Variants in KCNQ1 observed in about 807,000 individuals in gnomAD.
The protein encoded by KCNQ1 is potassium voltage-gated channel subfamily Q member 1, also known as potassium voltage-gated channel subfamily KQT member 1.
In KCNQ1, 49 loss-of-function variants were observed where a neutral mutation model predicts 72.4. The ratio of observed to expected loss-of-function variants is 0.68; its 90% CI spans 0.54 to 0.86. KCNQ1 has a LOEUF of 0.86. Ranked by LOEUF, KCNQ1 falls within the 40% of genes least tolerant of loss-of-function variation. KCNQ1 has a pLI of 0.00. For synonymous variants in KCNQ1, 450 were observed against 412.6 expected, an observed-to-expected ratio of 1.09 and a Z score of -1.10; for missense variants, 790 against 945.1, an observed-to-expected ratio of 0.84 and a Z score of 2.15.
rs541931705 is a variant in KCNQ1 at position 2,541,704 on chromosome 11, G to GCT, written c.477+13686_477+13687insCT. Among the ~76,000 whole-genome samples, 2 of 145,244 alleles carry GCT rather than the reference G, an allele frequency of 1.4e-5. No individual in the cohort carries two copies. Among genetic ancestry groups the GCT allele is most frequent in the Non-Finnish European group, 3.0e-5 (2 of 66,246 alleles). On this transcript the variant is annotated intron_variant, in intron 2 of 15. Transcript: ENST00000155840. The surrounding 1 kb of genome is among the most constrained non-coding windows in gnomAD (Gnocchi z 4.8). ...TTCATCTCAGGCTCAGGTGTTTTGA[G>GCT]TTTTTTTTTTTTTTTAAATGAGGAC...
chr11:2,520,631 G>C (rs1358060523), intron 1 of KCNQ1, among the ~76,000 whole-genome samples: 1 of 152,086 alleles, frequency 6.6e-6, no homozygotes, highest in Non-Finnish European at 1.5e-5. Flanking sequence ...CACATCCCAG[G>C]GCTCTGAGCT....
At chr11:2,701,662 T>G (rs1850817888) in intron 11 of KCNQ1, among the ~76,000 whole-genome samples, 1 of 152,234 alleles carries the variant, frequency 6.6e-6, no homozygotes, top group South Asian at 2.1e-4. Context: ...AGCTCCCAAG[T>G]GGCTTTCCCA....
In KCNQ1 at chr11:2,678,066, G is replaced by A. The variant is rs1266339139; in HGVS notation, c.1514+15985G>A. 2.5e-6 allele frequency: 1 copy of A among 398,134 alleles called. No individual in the cohort carries two copies. The highest frequency in any genetic ancestry group is 4.4e-6 in the Non-Finnish European group (1 of 225,944). 24.7% of individuals were successfully genotyped at this position (398,134 alleles called of 1,614,324 possible). A position where few individuals can be genotyped will look rare whatever the true frequency, so the allele number is the denominator to read the frequency against. Reference sequence around the variant, plus strand: ...TATTTCTTCATACCCTTTGGACTTTGTAAAATACCTTGTCTTACTGATTTG... The same window carrying A: ...TATTTCTTCATACCCTTTGGACTTTATAAAATACCTTGTCTTACTGATTTG... On this transcript the variant is annotated intron_variant, in intron 11 of 15. Transcript: ENST00000155840. This position sits in a 1 kb window ranked among gnomAD's most constrained non-coding sequence, Gnocchi z 4.9.
At chr11:2,839,426 T>A (rs940083258) in intron 15 of KCNQ1, among the ~76,000 whole-genome samples, 2 of 152,242 alleles carry the variant, frequency 1.3e-5, no homozygotes, top group African/African-American at 4.8e-5. Flanking sequence ...CAGCTCTGGC[T>A]CTGGCACAAA....
chr11:2,626,334 C>T lies in KCNQ1; in HGVS notation c.1394-35627C>T, dbSNP rs1177437805. 2.5e-6 allele frequency: 1 copy of T among 398,440 alleles called. No homozygotes were observed. Among genetic ancestry groups the T allele is most frequent in the East Asian group, 3.6e-5 (1 of 28,064 alleles). 24.7% of individuals were successfully genotyped at this position (398,440 alleles called of 1,614,324 possible). Reference sequence around the variant, plus strand: ...TTTGTGTATGGTATTAGGTAAGGGTCTCAACTTCAGTTATCCTGGCACCAT... The same window carrying T: ...TTTGTGTATGGTATTAGGTAAGGGTTTCAACTTCAGTTATCCTGGCACCAT... On this transcript the variant is annotated intron_variant, in intron 10 of 15. Transcript: ENST00000155840. The surrounding 1 kb of genome is among the most constrained non-coding windows in gnomAD (Gnocchi z 4.0).
intron 1 of KCNQ1, among the ~76,000 whole-genome samples, chr11:2,470,180 T>G (rs1846423137): frequency 6.6e-6 from 1 of 152,192 alleles, no homozygotes; most frequent in Admixed American, 6.5e-5. Context: ...ACAATCAAAA[T>G]GAGGACTTGA....
rs1045270263 is a variant in KCNQ1, at chr11:2,813,067, C to T, written c.1795-34700C>T. On this transcript the variant is annotated intron_variant, in intron 15 of 15. Coordinates refer to ENST00000155840, the MANE Select transcript of KCNQ1 (RefSeq NM_000218.3). The surrounding 1 kb of genome is among the most constrained non-coding windows in gnomAD (Gnocchi z 4.4). ...AGCTGGAACAGAAGCTCTGAGAAGACAGAGCTGGCCAGCACCATCTCTCCT... is the reference window on the plus strand; with the variant it reads ...AGCTGGAACAGAAGCTCTGAGAAGATAGAGCTGGCCAGCACCATCTCTCCT... 6.6e-6 allele frequency among the ~76,000 whole-genome samples: 1 copy of T among 152,232 alleles called. No homozygotes were observed. Among genetic ancestry groups the T allele is most frequent in the African/African-American group, 2.4e-5 (1 of 41,460 alleles).
Position 2,589,006 on chromosome 11 carries a change from G to A in KCNQ1, c.1393+152G>A, listed in dbSNP as rs557158453. The A allele has an allele frequency of 2.0e-5, 19 of 947,742 alleles. No individual in the cohort carries two copies. In the East Asian group the frequency reaches 4.5e-4, roughly 22 times the overall value. The allele number at this position is 947,742 out of a possible 1,614,324, so 58.7% of individuals were successfully genotyped here. A position where few individuals can be genotyped will look rare whatever the true frequency, so the allele number is the denominator to read the frequency against. On this transcript the variant is annotated intron_variant, in intron 10 of 15. Transcript: ENST00000155840. ...GAGGGTGGAGCTTCTAGAAACTTCT[G>A]TAAACCTTCCAGGTGCCTTCCCCTC...
In KCNQ1 at chr11:2,659,267, T is replaced by G; in HGVS notation, c.1394-2694T>G. On this transcript the variant is annotated intron_variant, in intron 10 of 15. Transcript: ENST00000155840. This position sits in a 1 kb window ranked among gnomAD's most constrained non-coding sequence, Gnocchi z 4.3. ...GGTGAGTCTTTTGAAGTCAAGTACT[T>G]CTCCCCTAACCACTGGCAGCTATTG... 1 of 398,638 alleles carries G rather than the reference T, an allele frequency of 2.5e-6. No homozygotes were observed. Among genetic ancestry groups the G allele is most frequent in the East Asian group, 3.6e-5 (1 of 28,078 alleles). The allele number at this position is 398,638 out of a possible 1,614,324, so 24.7% of individuals were successfully genotyped here.
Position 2,670,285 on chromosome 11 carries a change from A to G in KCNQ1, c.1514+8204A>G. 2.5e-6 allele frequency: 1 copy of G among 398,560 alleles called. No individual in the cohort carries two copies. Among genetic ancestry groups the G allele is most frequent in the Non-Finnish European group, 4.4e-6 (1 of 226,062 alleles). The allele number at this position is 398,560 out of a possible 1,614,324, so 24.7% of individuals were successfully genotyped here. The stretch of plus-strand genomic sequence containing the variant: ...GACCATGGTAGCTTGTCTCTAGGCA[A>G]CCCATAGGTGCCCAATGGAGAGATA... On this transcript the variant is annotated intron_variant, in intron 11 of 15. Transcript: ENST00000155840. The surrounding 1 kb of genome is among the most constrained non-coding windows in gnomAD (Gnocchi z 4.9).
chr11:2,687,695 G>A lies in KCNQ1; in HGVS notation c.1514+25614G>A, dbSNP rs1013898404. On this transcript the variant is annotated intron_variant, in intron 11 of 15. Coordinates refer to ENST00000155840, the MANE Select transcript of KCNQ1 (RefSeq NM_000218.3). This position sits in a 1 kb window ranked among gnomAD's most constrained non-coding sequence, Gnocchi z 5.0. ...CTCAGGGAGCTCAGGGTTCAGTGTTGGAATGGGTCTGGGCCCAGATTTCAA... is the reference window on the plus strand; with the variant it reads ...CTCAGGGAGCTCAGGGTTCAGTGTTAGAATGGGTCTGGGCCCAGATTTCAA... The A allele has an allele frequency of 2.5e-6, 1 of 398,646 alleles. No homozygotes were observed. The highest frequency in any genetic ancestry group is 4.4e-5 in the Admixed American group (1 of 22,718). The allele number at this position is 398,646 out of a possible 1,614,324, so 24.7% of individuals were successfully genotyped here. A position where few individuals can be genotyped will look rare whatever the true frequency, so the allele number is the denominator to read the frequency against.
intron 11 of KCNQ1, chr11:2,667,210 C>A (rs893026530): frequency 2.0e-5 from 8 of 398,780 alleles, no homozygotes; most frequent in Non-Finnish European, 3.1e-5. Flanking sequence ...CCCGTGGCCC[C>A]CTAACCTTTC....
chr11:2,811,126 C>T (rs1485337296), intron 15 of KCNQ1, among the ~76,000 whole-genome samples: 4 of 152,178 alleles, frequency 2.6e-5, no homozygotes, highest in Non-Finnish European at 5.9e-5. Flanking sequence ...AGGCTGTGCA[C>T]CTCCGCAGTG....
At chr11:2,589,669 G>A (rs1313489654) in intron 10 of KCNQ1, among the ~76,000 whole-genome samples, 1 of 152,218 alleles carries the variant, frequency 6.6e-6, no homozygotes, top group African/African-American at 2.4e-5. Flanking sequence ...GAACACAGCA[G>A]TGTCTGGTTG....
chr11:2,776,486 C>T (rs566120646), intron 13 of KCNQ1, among the ~76,000 whole-genome samples: 6 of 152,316 alleles, frequency 3.9e-5, no homozygotes, highest in African/African-American at 1.2e-4. Flanking sequence ...CAGGCCCCAC[C>T]GCACGGGTCT....
In KCNQ1 at chr11:2,809,123, G is replaced by A. The variant is rs559013337; in HGVS notation, c.1794+31086G>A. Among the ~76,000 whole-genome samples the A allele has an allele frequency of 6.6e-6, 1 of 152,296 alleles. No homozygotes were observed. Among genetic ancestry groups the A allele is most frequent in the East Asian group, 1.9e-4 (1 of 5,186 alleles). On this transcript the variant is annotated intron_variant, in intron 15 of 15. Transcript: ENST00000155840. This position sits in a 1 kb window ranked among gnomAD's most constrained non-coding sequence, Gnocchi z 7.1. ...GAGTAGATGAATGAGTGGGCAGACAGACAGACACACCATCAGAAGCAAATA... is the reference window on the plus strand; with the variant it reads ...GAGTAGATGAATGAGTGGGCAGACAAACAGACACACCATCAGAAGCAAATA...
intron 1 of KCNQ1, among the ~76,000 whole-genome samples, chr11:2,514,431 A>C (rs953972727): frequency 9.9e-5 from 15 of 152,200 alleles, no homozygotes; most frequent in African/African-American, 3.4e-4. Flanking sequence ...ACCAAGGCTC[A>C]AGGAGGCCAC....
At position 2,829,691 on chromosome 11, in the gene KCNQ1, A is replaced by T. The variant is rs184759436; in HGVS notation, c.1795-18076A>T. Among the ~76,000 whole-genome samples, 579 of 152,140 alleles carry T rather than the reference A, an allele frequency of 3.8e-3. 3 individuals are homozygous for T. The highest frequency in any genetic ancestry group is 0.013 in the African/African-American group (551 of 41,504). On this transcript the variant is annotated intron_variant, in intron 15 of 15. Coordinates refer to ENST00000155840, the MANE Select transcript of KCNQ1 (RefSeq NM_000218.3). ...TTAGGCAGTCACTAGATAATGTCTA[A>T]AGTGACAAAATTTCAAGGAACAGCA...
At position 2,623,096 on chromosome 11, in the gene KCNQ1, GT is replaced by G. The variant is rs1849201832; in HGVS notation, c.1393+34244del. The G allele has an allele frequency of 2.5e-6, 1 of 398,410 alleles. No homozygotes were observed. The allele number at this position is 398,410 out of a possible 1,614,324, so 24.7% of individuals were successfully genotyped here. Reference sequence around the variant, plus strand: ...TGATAGTGAGTTCTCATGAGATCTGGTTGTTTAAACGTGTGTGGCACTTCCC... The same window carrying G: ...TGATAGTGAGTTCTCATGAGATCTGGTGTTTAAACGTGTGTGGCACTTCCC... On this transcript the variant is annotated intron_variant, in intron 10 of 15. Coordinates refer to ENST00000155840, the MANE Select transcript of KCNQ1 (RefSeq NM_000218.3). This position sits in a 1 kb window ranked among gnomAD's most constrained non-coding sequence, Gnocchi z 5.2.
Sources: allele counts gnomAD v4.1 joint callset (sites outside exome capture counted in the v4.1 genomes callset), GRCh38; gene constraint gnomAD v4.1.1; non-coding constraint Gnocchi (gnomAD v3.1); transcripts MANE v1.5; gene names NCBI Gene and HGNC (gene_info 2026-07-23, HGNC 2026-07-21).